The following MYO3A variants were observed in gnomAD, a reference collection of about 807,000 sequenced individuals.
MYO3A encodes the protein myosin-IIIa.
Under a neutral mutation model 192.7 loss-of-function variants are expected in MYO3A, and 180 were observed. The ratio of observed to expected loss-of-function variants is 0.93; its 90% CI spans 0.83 to 1.06. The LOEUF (loss-of-function observed/expected upper bound fraction) is 1.06. Ranked by LOEUF, MYO3A falls within the 50% of genes least tolerant of loss-of-function variation. MYO3A has a pLI of 0.00. For missense variants in MYO3A, 1,896 were observed against 1,905.0 expected, an observed-to-expected ratio of 1.00 and a Z score of 0.09; for synonymous variants, 628 against 645.3, an observed-to-expected ratio of 0.97 and a Z score of 0.41.
intron 31 of MYO3A, among the ~76,000 whole-genome samples, chr10:26,185,669 TTTG>T (rs1219037819): frequency 6.6e-6 from 1 of 152,086 alleles, no homozygotes; most frequent in Non-Finnish European, 1.5e-5. Context: ...AATGTAGTGT[TTTG>T]TTTTCTTTTT....
chr10:25,954,546 A>T (rs2130577152), intron 3 of MYO3A, among the ~76,000 whole-genome samples: 1 of 152,260 alleles, frequency 6.6e-6, no homozygotes, highest in Admixed American at 6.5e-5. Context: ...TGCCCTTGTA[A>T]CAAAGTTAAT....
chr10:26,030,737 T>C (rs1018220713), intron 10 of MYO3A, among the ~76,000 whole-genome samples: 6 of 152,196 alleles, frequency 3.9e-5, no homozygotes, highest in African/African-American at 1.4e-4. Context: ...GGCAGTATAA[T>C]TTTTTAAAAA....
chr10:26,074,698 C>A (rs1308935025), intron 14 of MYO3A, among the ~76,000 whole-genome samples: 5 of 150,534 alleles, frequency 3.3e-5, no homozygotes, highest in African/African-American at 1.2e-4. Context: ...GCTGCCATTT[C>A]ATTTTGGTGA....
chr10:26,198,300 C>A (rs568035330), intron 32 of MYO3A, among the ~76,000 whole-genome samples: 2 of 152,278 alleles, frequency 1.3e-5, no homozygotes, highest in African/African-American at 4.8e-5. Context: ...AGCCAAGCCG[C>A]AGAAGCGTGC....
At chr10:26,118,810 T>G (rs1266291137) in intron 17 of MYO3A, among the ~76,000 whole-genome samples, 2 of 151,952 alleles carry the variant, frequency 1.3e-5, no homozygotes, top group African/African-American at 4.8e-5. Context: ...TTTTGTATTT[T>G]TAGTAGAGAT....
At chr10:26,168,684 T>G (rs959122081) in intron 27 of MYO3A, 28 bp from the exon 28 acceptor site, 1 of 1,601,842 alleles carries the variant, frequency 6.2e-7, no homozygotes, top group East Asian at 2.2e-5. Flanking sequence ...TGTGCCATGG[T>G]TCTTTGTATT....
At chr10:25,936,214 G>A (rs948252277) in intron 2 of MYO3A, among the ~76,000 whole-genome samples, 6 of 151,280 alleles carry the variant, frequency 4.0e-5, no homozygotes, top group Admixed American at 6.6e-5. Context: ...GTCCTTTTTC[G>A]ACTGCATCTT....
chr10:26,071,954 A>T (rs1274367872), intron 14 of MYO3A, among the ~76,000 whole-genome samples: 2 of 152,192 alleles, frequency 1.3e-5, no homozygotes, highest in Non-Finnish European at 2.9e-5. Context: ...TTATAAAGGA[A>T]AGAGGTTTAA....
At chr10:26,131,486 C>T (rs1287524522) in intron 20 of MYO3A, among the ~76,000 whole-genome samples, 1 of 152,156 alleles carries the variant, frequency 6.6e-6, no homozygotes, top group African/African-American at 2.4e-5. Context: ...TCTCTATTAT[C>T]CACTCACTGG....
At chr10:26,019,410 C>T (rs1842176462) in intron 7 of MYO3A, among the ~76,000 whole-genome samples, 1 of 152,080 alleles carries the variant, frequency 6.6e-6, no homozygotes, top group Non-Finnish European at 1.5e-5. Context: ...AGGCGCCTGC[C>T]AACACGCCTG....
intron 4 of MYO3A, among the ~76,000 whole-genome samples, chr10:25,985,710 C>A (rs1365250542): frequency 6.6e-6 from 1 of 151,312 alleles, no homozygotes. Context: ...AAAAAAATTG[C>A]CCACCAAAAA....
intron 29 of MYO3A, among the ~76,000 whole-genome samples, chr10:26,170,991 G>T (rs1015525536): frequency 2.6e-5 from 4 of 152,182 alleles, no homozygotes; most frequent in Non-Finnish European, 5.9e-5. Context: ...CACTTATTCA[G>T]CAGGCTTTAT....
intron 10 of MYO3A, among the ~76,000 whole-genome samples, chr10:26,046,081 C>G (rs57681362): frequency 0.16 from 24,709 of 152,058 alleles, 2,302 homozygotes; most frequent in Non-Finnish European, 0.21. Context: ...TAAGTGTAAG[C>G]AAGCGAGGCA....
chr10:26,034,597 G>T (rs552515639), intron 10 of MYO3A, among the ~76,000 whole-genome samples: 1 of 152,158 alleles, frequency 6.6e-6, no homozygotes, highest in South Asian at 2.1e-4. Context: ...TCAAGAAACT[G>T]GATAATGATA....
chr10:26,041,950 A>G (rs1326363641), intron 10 of MYO3A, among the ~76,000 whole-genome samples: 1 of 152,144 alleles, frequency 6.6e-6, no homozygotes. Context: ...TTGCTCATTA[A>G]AATACTTTTC....
At position 26,143,576 on chromosome 10, in the gene MYO3A, C is replaced by A. The variant is rs1316354052; in HGVS notation, c.2391C>A (p.Pro797=). The A allele has an allele frequency of 3.7e-6, 6 of 1,613,866 alleles. No homozygotes were observed. The highest frequency in any genetic ancestry group is 1.3e-5 in the African/African-American group (1 of 74,908). The change falls in exon 21 of 35, where the codon CCC becomes CCA. Residue 797 remains proline (P), a synonymous_variant. Transcript: ENST00000642920. ...TACTTGATGAAGAAAGTAGATTTCC[C>A]AAGGCCACTGACCAGACTCTTGTAG... ...LSLLDEESRF[P]KATDQTLVEK...
intron 19 of MYO3A, among the ~76,000 whole-genome samples, chr10:26,125,986 G>A (rs1046087779): frequency 1.3e-5 from 2 of 151,744 alleles, no homozygotes; most frequent in African/African-American, 4.8e-5. Flanking sequence ...TTATTTTGAA[G>A]GTTTAAATTA....
intron 6 of MYO3A, among the ~76,000 whole-genome samples, chr10:26,009,138 AACACC>A (rs1841446531): frequency 6.8e-6 from 1 of 147,882 alleles, no homozygotes; most frequent in African/African-American, 2.6e-5. Context: ...CAAAAAACCA[AACACC>A]ACATATTCTC....
At chr10:26,077,237 T>TTTTTTTTTTTTTG (rs1835640960) in intron 14 of MYO3A, among the ~76,000 whole-genome samples, 1 of 138,952 alleles carries the variant, frequency 7.2e-6, no homozygotes, top group Non-Finnish European at 1.5e-5. Flanking sequence ...CCTAAGGTTT[T>TTTTTTTTTTTTTG]TTTTTTTTTT....
Sources: gnomAD v4.1 joint callset for allele counts (sites outside exome capture counted in the v4.1 genomes callset) on GRCh38, gnomAD v4.1.1 for gene constraint, MANE v1.5 for transcripts, NCBI Gene and HGNC (gene_info 2026-07-23, HGNC 2026-07-21) for gene names.